The following PCDHA6 variants were observed in gnomAD, a reference collection of about 807,000 sequenced individuals.
PCDHA6 encodes protocadherin alpha 6.
A neutral mutation model predicts 60.3 loss-of-function variants in PCDHA6; 55 were observed. The observed-to-expected ratio is 0.91, with a 90% CI of 0.73 to 1.14. PCDHA6 has a LOEUF of 1.14. Among genes scored for constraint, PCDHA6 ranks in the 50% most tolerant of loss-of-function variants. The pLI is 0.00. For synonymous variants in PCDHA6, 652 were observed against 557.9 expected, an observed-to-expected ratio of 1.17 and a Z score of -2.38; for missense variants, 1,327 against 1,256.5, an observed-to-expected ratio of 1.06 and a Z score of -0.85.
chr5:140,922,342 A>G (rs1256854965), intron 1 of PCDHA6, among the ~76,000 whole-genome samples: 2 of 152,184 alleles, frequency 1.3e-5, no homozygotes, highest in East Asian at 3.8e-4. Flanking sequence ...GTATATTGGT[A>G]TTTTCTAGAG....
intron 1 of PCDHA6, among the ~76,000 whole-genome samples, chr5:140,942,118 A>C (rs554488765): frequency 1.3e-5 from 2 of 152,360 alleles, no homozygotes; most frequent in East Asian, 3.9e-4. Flanking sequence ...AAACTTTATT[A>C]AAGGTGATAT....
chr5:140,986,285 A>AGACT (rs1311762694), intron 3 of PCDHA6, among the ~76,000 whole-genome samples: 3 of 152,134 alleles, frequency 2.0e-5, no homozygotes, highest in Admixed American at 2.0e-4. Flanking sequence ...GCTTCCCTTG[A>AGACT]GACTGAGCAG....
At chr5:140,998,054 A>G (rs562918919) in intron 3 of PCDHA6, among the ~76,000 whole-genome samples, 37 of 152,304 alleles carry the variant, frequency 2.4e-4, no homozygotes, top group African/African-American at 8.9e-4. Flanking sequence ...CAGTGACATC[A>G]TCATCAACAG....
At chr5:140,911,257 A>G (rs1423375928) in intron 1 of PCDHA6, among the ~76,000 whole-genome samples, 1 of 152,156 alleles carries the variant, frequency 6.6e-6, no homozygotes, top group African/African-American at 2.4e-5. Context: ...ATCAGAATTT[A>G]TAATCTCAGT....
chr5:140,906,798 C>T (rs1456677849), intron 1 of PCDHA6, among the ~76,000 whole-genome samples: 1 of 152,192 alleles, frequency 6.6e-6, no homozygotes, highest in Non-Finnish European at 1.5e-5. Context: ...TCCATGCATA[C>T]TCTTCCTTAC....
chr5:140,862,787 A>G, intron 1 of PCDHA6: 1 of 578,112 alleles, frequency 1.7e-6, no homozygotes. Context: ...CCACTGGACT[A>G]CGAGGAGCTG....
chr5:140,953,101 T>C (rs1297450101), intron 1 of PCDHA6, among the ~76,000 whole-genome samples: 1 of 152,130 alleles, frequency 6.6e-6, no homozygotes, highest in Non-Finnish European at 1.5e-5. Context: ...TGACATGAGA[T>C]TTGGGCAGGG....
intron 1 of PCDHA6, among the ~76,000 whole-genome samples, chr5:140,975,626 G>A (rs1234889198): frequency 6.6e-6 from 1 of 152,156 alleles, no homozygotes; most frequent in African/African-American, 2.4e-5. Flanking sequence ...GATTTCCATG[G>A]TACGAAGATA....
At position 140,858,448 on chromosome 5, in the gene PCDHA6, C is replaced by G. The variant is rs1554151646; in HGVS notation, c.2394+27963C>G. The G allele has an allele frequency of 1.3e-6, 2 of 1,532,196 alleles. 1 individual carries two copies. The highest frequency in any genetic ancestry group is 2.8e-5 in the African/African-American group (2 of 72,594). 94.9% of individuals were successfully genotyped at this position (1,532,196 alleles called of 1,614,324 possible). ...ACCACTCTAGGAAGGTGGGTTATTA[C>G]GTTTTCATTTTCCTTTTGTGCTTTA... On this transcript the variant is annotated intron_variant, in intron 1 of 3. Transcript: ENST00000529310.
chr5:140,884,240 G>A (rs139927854), intron 1 of PCDHA6: 5 of 1,613,368 alleles, frequency 3.1e-6, no homozygotes, highest in African/African-American at 1.3e-5. Context: ...CGGTGAGCCC[G>A]CGCTGACGGC....
intron 1 of PCDHA6, among the ~76,000 whole-genome samples, chr5:140,971,158 C>T (rs1554233066): frequency 6.6e-6 from 1 of 152,172 alleles, no homozygotes; most frequent in African/African-American, 2.4e-5. Context: ...AGGCCAGGCT[C>T]AGCTTTGCCA....
At chr5:140,983,438 C>T (rs1233600670) in intron 3 of PCDHA6, among the ~76,000 whole-genome samples, 2 of 152,224 alleles carry the variant, frequency 1.3e-5, no homozygotes, top group Non-Finnish European at 2.9e-5. Flanking sequence ...ATTGTGTCTA[C>T]TCTAATCCTC....
intron 1 of PCDHA6, chr5:140,871,583 T>C (rs782012993): frequency 2.0e-6 from 3 of 1,468,262 alleles, no homozygotes; most frequent in Non-Finnish European, 9.0e-7. Flanking sequence ...TAAGGGAAAG[T>C]TTTATGAATA....
chr5:140,929,327 T>A (rs782155915), intron 1 of PCDHA6: 1 of 1,536,752 alleles, frequency 6.5e-7, no homozygotes, highest in Admixed American at 2.1e-5. Context: ...AATGCCATGG[T>A]AAGCAAATTT....
intron 1 of PCDHA6, chr5:140,967,285 G>A (rs150694611): frequency 1.9e-6 from 3 of 1,613,058 alleles, no homozygotes; most frequent in East Asian, 2.2e-5. Context: ...AGAGTGCGCA[G>A]GACCCCGACG....
chr5:140,850,295 C>T (rs2150478300), intron 1 of PCDHA6: 1 of 1,596,420 alleles, frequency 6.3e-7, no homozygotes, highest in South Asian at 1.1e-5. Flanking sequence ...TGGACGCCGA[C>T]TCGGGCTACA....
chr5:140,877,914 A>AT (rs2057394520), intron 1 of PCDHA6: 3 of 1,426,804 alleles, frequency 2.1e-6, no homozygotes, highest in Non-Finnish European at 2.8e-6. Flanking sequence ...ACATTCTCTC[A>AT]TTTTTCTTTA....
At chr5:140,945,760 G>T (rs2093839081) in intron 1 of PCDHA6, among the ~76,000 whole-genome samples, 2 of 152,154 alleles carry the variant, frequency 1.3e-5, no homozygotes, top group East Asian at 1.9e-4. Flanking sequence ...AAATGGTGGT[G>T]GGACAATTTG....
chr5:140,857,081 A>G, intron 1 of PCDHA6: 1 of 1,597,048 alleles, frequency 6.3e-7, no homozygotes, highest in African/African-American at 1.3e-5. Context: ...TGAAAATGAT[A>G]ATTCACCTGA....
Sources: allele counts gnomAD v4.1 joint callset (sites outside exome capture counted in the v4.1 genomes callset), GRCh38; gene constraint gnomAD v4.1.1; transcripts MANE v1.5; gene names NCBI Gene and HGNC (gene_info 2026-07-23, HGNC 2026-07-21).